Variants in NECAB1 observed in about 807,000 individuals in gnomAD.
NECAB1 encodes N-terminal EF-hand calcium-binding protein 1.
Under a neutral mutation model 57.5 loss-of-function variants are expected in NECAB1, and 29 were observed. The observed-to-expected ratio is 0.50, with a 90% confidence interval of 0.38 to 0.69. The LOEUF is 0.69. NECAB1 is among the 30% of genes least tolerant of loss of function. The pLI, the probability that NECAB1 is intolerant of heterozygous loss-of-function variation, is 0.00. For synonymous variants in NECAB1, 142 were observed against 147.7 expected (o/e 0.96, Z 0.28); for missense variants, 372 against 413.8 (o/e 0.90, Z 0.88).
intron 5 of NECAB1, among the ~76,000 whole-genome samples, chr8:90,910,640 C>T (rs1809808659): frequency 6.6e-6 from 1 of 151,870 alleles, no homozygotes; most frequent in Admixed American, 6.6e-5. Flanking sequence ...TAGGTCCCTC[C>T]TGACATAGCC....
Position 90,834,999 on chromosome 8 carries a change from TTAA to T in NECAB1, c.233+10175_233+10177del, listed in dbSNP as rs1414519718. Among the ~76,000 whole-genome samples, 211 of 131,030 alleles carry T rather than the reference TTAA, an allele frequency of 1.6e-3. 1 individual carries two copies. Among genetic ancestry groups the T allele is most frequent in the African/African-American group, 5.6e-3 (187 of 33,152 alleles). 86.0% of individuals were successfully genotyped at this position (131,030 alleles called of 152,430 possible). A position where few individuals can be genotyped will look rare whatever the true frequency, so the allele number is the denominator to read the frequency against. ...TTCCCTGACTTTCTTTTTTTTTTTT[TTAA>T]AAAAGAGCCCGCATCGACTTTCTTT... On this transcript the variant is annotated intron_variant, in intron 3 of 12. Coordinates refer to ENST00000417640, the MANE Select transcript of NECAB1 (RefSeq NM_022351.5).
chr8:90,937,820 C>T (rs1446139456), intron 9 of NECAB1, among the ~76,000 whole-genome samples: 1 of 152,086 alleles, frequency 6.6e-6, no homozygotes, highest in South Asian at 2.1e-4. Flanking sequence ...TTTTTTTCTG[C>T]CTCTCTACAC....
At chr8:90,824,662 CAG>C (rs1193166045) in intron 2 of NECAB1, 53 bp from the exon 3 acceptor site, 4 of 1,189,356 alleles carry the variant, frequency 3.4e-6, no homozygotes, top group Non-Finnish European at 4.7e-6. Context: ...AAAGCAAAAA[CAG>C]AACAATGTAC....
intron 3 of NECAB1, among the ~76,000 whole-genome samples, chr8:90,851,011 G>A (rs1337786555): frequency 6.6e-6 from 1 of 152,164 alleles, no homozygotes. Flanking sequence ...GGATAGAGGG[G>A]CTAGAGATTG....
rs185139844 is a variant in NECAB1, at chr8:90,892,817, C to A, written c.357+11687C>A. The stretch of plus-strand genomic sequence containing the variant: ...CATCTTTCCAAAAAATAAGACTGTC[C>A]CTCACCTCCTTAAAACCTTACATTG... On this transcript the variant is annotated intron_variant, in intron 5 of 12. Transcript: ENST00000417640. Among the ~76,000 whole-genome samples the A allele has an allele frequency of 2.4e-3, 362 of 152,156 alleles. 2 individuals carry two copies. Among genetic ancestry groups the A allele is most frequent in the Middle Eastern group, 3.4e-3 (1 of 294 alleles).
intron 3 of NECAB1, among the ~76,000 whole-genome samples, chr8:90,851,467 A>T (rs1812681864): frequency 6.6e-6 from 1 of 152,170 alleles, no homozygotes; most frequent in African/African-American, 2.4e-5. Context: ...AGTATTAAGG[A>T]TCATAATTGA....
chr8:90,900,754 G>A (rs1321874507), intron 5 of NECAB1, among the ~76,000 whole-genome samples: 2 of 152,170 alleles, frequency 1.3e-5, no homozygotes, highest in Non-Finnish European at 2.9e-5. Context: ...GCTTTTGTAA[G>A]AAATAATCAA....
chr8:90,844,788 T>A (rs1422131596), intron 3 of NECAB1, among the ~76,000 whole-genome samples: 1 of 72,148 alleles, frequency 1.4e-5, no homozygotes, highest in Non-Finnish European at 2.5e-5. Flanking sequence ...CTGAGCTACG[T>A]TCTTCTAAAT....
chr8:90,926,413 A>G (rs1045003104), intron 7 of NECAB1, among the ~76,000 whole-genome samples: 2 of 152,200 alleles, frequency 1.3e-5, no homozygotes, highest in Admixed American at 6.5e-5. Flanking sequence ...CTGATAAAAT[A>G]GATGTTAATT....
chr8:90,893,413 A>T (rs149038520), intron 5 of NECAB1, among the ~76,000 whole-genome samples: 1 of 152,126 alleles, frequency 6.6e-6, no homozygotes, highest in Non-Finnish European at 1.5e-5. Context: ...AAAAATATAT[A>T]TCGGCTCCCA....
At chr8:90,900,322 G>A (rs915417995) in intron 5 of NECAB1, among the ~76,000 whole-genome samples, 1 of 152,166 alleles carries the variant, frequency 6.6e-6, no homozygotes, top group Non-Finnish European at 1.5e-5. Context: ...GAAGGGTAGA[G>A]TAGGCATGAC....
intron 2 of NECAB1, among the ~76,000 whole-genome samples, chr8:90,820,701 C>G (rs1202059778): frequency 2.0e-5 from 3 of 146,842 alleles, no homozygotes; most frequent in Admixed American, 6.8e-5. Context: ...TTTTAAGAAG[C>G]ACTAGTTTTA....
intron 1 of NECAB1, among the ~76,000 whole-genome samples, chr8:90,792,834 G>A (rs1236609491): frequency 6.6e-6 from 1 of 151,206 alleles, no homozygotes; most frequent in African/African-American, 2.4e-5. Flanking sequence ...CTATTTTTCC[G>A]TCTGTTGCCT....
In NECAB1 at chr8:90,821,152, T is replaced by C. The variant is rs374347497; in HGVS notation, c.125-3565T>C. On this transcript the variant is annotated intron_variant, in intron 2 of 12. Transcript: ENST00000417640. ...TCGCCCATTGACTTTTCTAGACCCC[T>C]GTGATTCTACTACTGTGCACTAGAT... Among the ~76,000 whole-genome samples, 3 of 151,932 alleles carry C rather than the reference T, an allele frequency of 2.0e-5. No individual in the cohort carries two copies. In the East Asian group the frequency reaches 5.8e-4, roughly 30 times the overall value.
rs559327997 is a variant in NECAB1 at position 90,819,129 on chromosome 8, T to C, written c.125-5588T>C. ...TATTCTTCATTTCTGTAACAGTTTT[T>C]ATTTATTTCTAGTATTTTTTTCATT... is the stretch of plus-strand genomic sequence containing the variant. On this transcript the variant is annotated intron_variant, in intron 2 of 12. Coordinates refer to ENST00000417640, the MANE Select transcript of NECAB1 (RefSeq NM_022351.5). Among the ~76,000 whole-genome samples, 5 of 152,124 alleles carry C rather than the reference T, an allele frequency of 3.3e-5. No individual in the cohort carries two copies. The South Asian group carries it at 1.0e-3, about 32-fold the overall frequency.
chr8:90,934,243 T>A (rs967214932), intron 8 of NECAB1, 61 bp from the exon 9 acceptor site: 1 of 1,146,746 alleles, frequency 8.7e-7, no homozygotes, highest in African/African-American at 1.6e-5. Context: ...TTTGAATATA[T>A]GGCATTGTTT....
chr8:90,849,272 C>T (rs1192954419), intron 3 of NECAB1, among the ~76,000 whole-genome samples: 2 of 152,076 alleles, frequency 1.3e-5, no homozygotes, highest in Non-Finnish European at 2.9e-5. Context: ...AGTTCAAAAC[C>T]AGACTGGGCA....
chr8:90,877,175 G>C (rs75953768), intron 4 of NECAB1, among the ~76,000 whole-genome samples: 169 of 152,248 alleles, frequency 1.1e-3, no homozygotes, highest in Non-Finnish European at 2.1e-3. Flanking sequence ...ACATCTTGGA[G>C]TTTGCAGATC....
intron 6 of NECAB1, among the ~76,000 whole-genome samples, chr8:90,917,870 ATG>A (rs1554575442): frequency 1.0e-3 from 64 of 64,288 alleles, no homozygotes; most frequent in Non-Finnish European, 1.3e-3. Flanking sequence ...ATATATATAT[ATG>A]TGTGTGTGTG....
Sources: gnomAD v4.1 joint callset for allele counts (sites outside exome capture counted in the v4.1 genomes callset) on GRCh38, gnomAD v4.1.1 for gene constraint, MANE v1.5 for transcripts, NCBI Gene and HGNC (gene_info 2026-07-23, HGNC 2026-07-21) for gene names.